The following MYO3A variants were observed in gnomAD, a reference collection of about 807,000 sequenced individuals.
MYO3A encodes myosin-IIIa.
A neutral mutation model predicts 192.7 loss-of-function variants in MYO3A; 180 were observed. That is an observed-to-expected ratio of 0.93 (90% CI 0.83 to 1.06). MYO3A has a LOEUF of 1.06. Among genes scored for constraint, MYO3A ranks in the 50% least tolerant of loss-of-function variants. MYO3A has a pLI of 0.00. For synonymous variants in MYO3A, 628 were observed against 645.3 expected, an observed-to-expected ratio of 0.97 and a Z score of 0.41; for missense variants, 1,896 against 1,905.0, an observed-to-expected ratio of 1.00 and a Z score of 0.09.
At chr10:26,015,411 G>T (rs1411134026) in intron 6 of MYO3A, among the ~76,000 whole-genome samples, 1 of 151,874 alleles carries the variant, frequency 6.6e-6, no homozygotes, top group Non-Finnish European at 1.5e-5. Context: ...CCCATATTTT[G>T]GATCCCTGTT....
chr10:26,182,856 C>T (rs923552185), intron 31 of MYO3A, among the ~76,000 whole-genome samples: 1 of 152,188 alleles, frequency 6.6e-6, no homozygotes, highest in Non-Finnish European at 1.5e-5. Context: ...CCAACAAAGA[C>T]CTCACTCTCA....
intron 34 of MYO3A, among the ~76,000 whole-genome samples, chr10:26,205,703 G>T (rs1183049980): frequency 2.3e-5 from 3 of 129,942 alleles, no homozygotes; most frequent in African/African-American, 8.8e-5. Context: ...TGCAAGCTCC[G>T]CCTCCTGGGT....
At chr10:26,099,614 G>A (rs1837301667) in intron 17 of MYO3A, among the ~76,000 whole-genome samples, 3 of 152,150 alleles carry the variant, frequency 2.0e-5, no homozygotes, top group African/African-American at 2.4e-5. Context: ...AGAGTTTTTA[G>A]CCTGAAGGAC....
chr10:25,953,892 A>T (rs1409165085), intron 3 of MYO3A, among the ~76,000 whole-genome samples: 1 of 152,170 alleles, frequency 6.6e-6, no homozygotes, highest in Non-Finnish European at 1.5e-5. Flanking sequence ...AAAAAGATTT[A>T]TAACCAAGAG....
At chr10:25,999,699 G>C (rs1840663089) in intron 6 of MYO3A, among the ~76,000 whole-genome samples, 1 of 152,128 alleles carries the variant, frequency 6.6e-6, no homozygotes, top group South Asian at 2.1e-4. Flanking sequence ...ATCTTAGATA[G>C]CTGTCAGGCA....
chr10:26,012,991 C>A (rs1177934565), intron 6 of MYO3A, among the ~76,000 whole-genome samples: 1 of 152,072 alleles, frequency 6.6e-6, no homozygotes, highest in East Asian at 1.9e-4. Flanking sequence ...GCCAACTGAT[C>A]TTTGACAAAG....
At chr10:26,175,633 G>C (rs546584763) in intron 30 of MYO3A, among the ~76,000 whole-genome samples, 1 of 152,300 alleles carries the variant, frequency 6.6e-6, no homozygotes, top group African/African-American at 2.4e-5. Flanking sequence ...CTAGCTGTCA[G>C]TAGAGATCTG....
chr10:26,037,129 G>T (rs1053401894), intron 10 of MYO3A, among the ~76,000 whole-genome samples: 2 of 152,164 alleles, frequency 1.3e-5, no homozygotes, highest in Non-Finnish European at 2.9e-5. Flanking sequence ...ATCTGGTAAA[G>T]GTGAGAGGAT....
chr10:26,024,364 G>T (rs182566639), intron 9 of MYO3A, among the ~76,000 whole-genome samples: 115 of 152,184 alleles, frequency 7.6e-4, no homozygotes, highest in African/African-American at 2.4e-3. Context: ...GCCTATGGGT[G>T]TCATTTCATA....
At chr10:26,160,178 G>T (rs1383232901) in intron 26 of MYO3A, among the ~76,000 whole-genome samples, 1 of 152,040 alleles carries the variant, frequency 6.6e-6, no homozygotes, top group African/African-American at 2.4e-5. Context: ...AATGTATAAG[G>T]CACCATGCTA....
intron 32 of MYO3A, among the ~76,000 whole-genome samples, chr10:26,195,649 T>A (rs997992940): frequency 3.3e-5 from 5 of 152,194 alleles, no homozygotes; most frequent in African/African-American, 1.2e-4. Flanking sequence ...TGCATTCTCC[T>A]CTTCAAATTG....
At position 26,021,538 on chromosome 10, in the gene MYO3A, T is replaced by C. The variant is rs781215483; in HGVS notation, c.621T>C (p.Tyr207=). Residue 207 remains tyrosine (Y), a synonymous_variant, in exon 8 of 35, where the codon TAT becomes TAC. Transcript: ENST00000642920. ...GTGAACAGCAATTGGATACCACTTATGACGCCAGATGTGACACTTGGTCCC... is the reference window on the plus strand; with the variant it reads ...GTGAACAGCAATTGGATACCACTTACGACGCCAGATGTGACACTTGGTCCC... ...IACEQQLDTT[Y]DARCDTWSLG... 3.1e-6 allele frequency: 5 copies of C among 1,614,060 alleles called. No homozygotes were observed. The Admixed American group carries it at 5.0e-5, about 16-fold the overall frequency.
At chr10:26,048,150 G>C (rs1843739238) in intron 10 of MYO3A, among the ~76,000 whole-genome samples, 1 of 152,134 alleles carries the variant, frequency 6.6e-6, no homozygotes, top group Admixed American at 6.6e-5. Flanking sequence ...TCTTTGAGTA[G>C]AATTCAAACT....
intron 12 of MYO3A, 75 bp from the exon 13 acceptor site, chr10:26,070,036 A>C: frequency 1.9e-6 from 2 of 1,048,316 alleles, no homozygotes; most frequent in Non-Finnish European, 2.9e-6. Context: ...TAAAAATTGG[A>C]GCTATATTTG....
At chr10:26,011,776 C>T (rs1216350611) in intron 6 of MYO3A, among the ~76,000 whole-genome samples, 1 of 152,156 alleles carries the variant, frequency 6.6e-6, no homozygotes, top group Non-Finnish European at 1.5e-5. Context: ...GCTAGTATCA[C>T]CCTGATACCA....
At chr10:26,017,964 C>T (rs1054193037) in intron 7 of MYO3A, among the ~76,000 whole-genome samples, 28 of 149,036 alleles carry the variant, frequency 1.9e-4, no homozygotes, top group Non-Finnish European at 3.9e-4. Flanking sequence ...CCAAATATTG[C>T]ATTTTGTTTG....
intron 6 of MYO3A, among the ~76,000 whole-genome samples, chr10:26,013,801 T>G (rs1841817739): frequency 6.6e-6 from 1 of 152,156 alleles, no homozygotes; most frequent in African/African-American, 2.4e-5. Flanking sequence ...GAAGTCATTA[T>G]ATGAAAAAGA....
In MYO3A at chr10:26,096,439, A is replaced by G. The variant is rs759209098; in HGVS notation, c.1621A>G (p.Lys541Glu). ...TTATGCTGGTTTGGCTGAAAAGAAG[A>G]AACTAGCCCATTACAAACTGCCTGA... ...YIYAGLAEKK[K>E]LAHYKLPENK... Residue 541 changes from lysine (K) to glutamate (E), a missense_variant, in exon 16 of 35, where the codon AAA (lysine) becomes GAA (glutamate). Lys to Glu is a moderately conservative substitution (Grantham distance 56). Transcript: ENST00000642920. 1.9e-6 allele frequency: 3 copies of G among 1,613,856 alleles called. No individual in the cohort carries two copies. Among genetic ancestry groups the G allele is most frequent in the Non-Finnish European group, 2.5e-6 (3 of 1,179,894 alleles).
intron 17 of MYO3A, among the ~76,000 whole-genome samples, chr10:26,118,355 A>G (rs1371343186): frequency 2.0e-5 from 3 of 152,190 alleles, no homozygotes; most frequent in Non-Finnish European, 4.4e-5. Context: ...TAGAAAAATG[A>G]TCTACATCTA....
Sources: gnomAD v4.1 joint callset for allele counts (sites outside exome capture counted in the v4.1 genomes callset) on GRCh38, gnomAD v4.1.1 for gene constraint, MANE v1.5 for transcripts, NCBI Gene and HGNC (gene_info 2026-07-23, HGNC 2026-07-21) for gene names.